ATAD2B: variants seen among roughly 807,000 people sequenced by gnomAD.
The protein encoded by ATAD2B is ATPase family AAA domain containing 2B.
In ATAD2B, 40 loss-of-function variants were observed where a neutral mutation model predicts 167.6. That is an observed-to-expected ratio of 0.24 (90% CI 0.19 to 0.31). The LOEUF is 0.31. ATAD2B is among the 10% of genes least tolerant of loss of function. ATAD2B has a pLI of 1.00. For synonymous variants in ATAD2B, 579 were observed against 596.5 expected (o/e 0.97, Z 0.43); for missense variants, 1,242 against 1,757.2 (o/e 0.71, Z 5.24).
the ATAD2B span, chr2:23,696,224 A>C: frequency 1.3e-6 from 2 of 1,491,320 alleles, no homozygotes; most frequent in Non-Finnish European, 9.1e-7. The surrounding 1 kb of genome is among the most constrained non-coding windows in gnomAD (Gnocchi z 5.5). Flanking sequence ...CATGGCCCAG[A>C]AGTGTCTACT....
chr2:23,919,121 T>C (rs909930701), intron 1 of ATAD2B, among the ~76,000 whole-genome samples: 6 of 151,896 alleles, frequency 4.0e-5, no homozygotes, highest in Non-Finnish European at 7.4e-5. Context: ...GGTGGGAGGA[T>C]TGCTTGAGGC....
intron 17 of ATAD2B, among the ~76,000 whole-genome samples, chr2:23,813,580 T>TA (rs35011854): frequency 0.13 from 17,846 of 138,480 alleles, 1,151 homozygotes; most frequent in Middle Eastern, 0.23. Context: ...TACAAAAAAT[T>TA]AAAAAAAAAA....
rs186977690 is a variant in ATAD2B at position 23,859,494 on chromosome 2, G to C, written c.1480-1991C>G. 9.9e-4 allele frequency among the ~76,000 whole-genome samples: 147 copies of C among 148,904 alleles called. 4 individuals carry two copies. In the East Asian group the frequency reaches 0.028, roughly 29 times the overall value. ...TGGCTAATTTTTGTATTTTTATAGA[G>C]GCAGGGTTTCACCACGTTGCCCAGG... is the stretch of plus-strand genomic sequence containing the variant. On this transcript the variant is annotated intron_variant, in intron 12 of 27. Coordinates refer to ENST00000238789, the MANE Select transcript of ATAD2B (RefSeq NM_017552.4).
intron 17 of ATAD2B, among the ~76,000 whole-genome samples, chr2:23,815,146 T>C (rs997594161): frequency 1.3e-5 from 2 of 151,806 alleles, no homozygotes; most frequent in African/African-American, 4.8e-5. Flanking sequence ...CATATACATG[T>C]TTAGGGAAGA....
chr2:23,706,834 C>A, the ATAD2B span: 2 of 545,570 alleles, frequency 3.7e-6, no homozygotes, highest in Non-Finnish European at 6.1e-6. Flanking sequence ...ATCATCCTCG[C>A]CTTTGGATGA....
At chr2:23,686,456 A>C in the ATAD2B span, among the ~76,000 whole-genome samples, 1 of 151,752 alleles carries the variant, frequency 6.6e-6, no homozygotes, top group East Asian at 1.9e-4. Flanking sequence ...CTCATCTATA[A>C]ATCAGGAAAT....
the ATAD2B span, among the ~76,000 whole-genome samples, chr2:23,682,832 G>A: frequency 6.6e-6 from 1 of 152,194 alleles, no homozygotes. The surrounding 1 kb of genome is among the most constrained non-coding windows in gnomAD (Gnocchi z 4.1). Context: ...CACCCCTGGA[G>A]ATGCTCTGCT....
At chr2:23,831,556 G>T (rs549841358) in intron 14 of ATAD2B, among the ~76,000 whole-genome samples, 1 of 151,980 alleles carries the variant, frequency 6.6e-6, no homozygotes, top group Non-Finnish European at 1.5e-5. Context: ...CTATTTCACA[G>T]CACATCTTCA....
intron 18 of ATAD2B, among the ~76,000 whole-genome samples, chr2:23,801,692 G>A (rs2712060): frequency 0.03 from 4,474 of 151,660 alleles, 82 homozygotes; most frequent in Non-Finnish European, 0.043. Flanking sequence ...ACATCATAAG[G>A]ACCTTAGATA....
At chr2:23,785,929 T>C in intron 21 of ATAD2B, 98 bp downstream of exon 21, 1 of 1,072,028 alleles carries the variant, frequency 9.3e-7, no homozygotes, top group Non-Finnish European at 1.3e-6. Flanking sequence ...GTAATATTCA[T>C]CCATGCCTTT....
intron 1 of ATAD2B, among the ~76,000 whole-genome samples, chr2:23,899,207 C>A (rs1372585617): frequency 6.8e-6 from 1 of 147,782 alleles, no homozygotes. Context: ...AGCTACTCAG[C>A]GAGGGTGAGG....
rs529615426 is a variant in ATAD2B at position 23,889,146 on chromosome 2, T to C, written c.369-747A>G. Among the ~76,000 whole-genome samples, 42 of 152,192 alleles carry C rather than the reference T, an allele frequency of 2.8e-4. 1 individual carries two copies. The highest frequency in any genetic ancestry group is 5.7e-4 in the Non-Finnish European group (39 of 67,994). ...AACTAGGGAAAGGACATCCAGAAAA[T>C]CACAAATATGTATGACTGCCTTCCT... On this transcript the variant is annotated intron_variant, in intron 2 of 27. Transcript: ENST00000238789.
chr2:23,878,229 C>G (rs1032401183), intron 7 of ATAD2B, among the ~76,000 whole-genome samples: 11 of 151,594 alleles, frequency 7.3e-5, no homozygotes, highest in Admixed American at 5.3e-4. Context: ...GGTGTGGTAG[C>G]GCATGCCTGT....
chr2:23,717,067 A>C, the ATAD2B span, among the ~76,000 whole-genome samples: 1 of 152,228 alleles, frequency 6.6e-6, no homozygotes, highest in Non-Finnish European at 1.5e-5. Flanking sequence ...AAACAGAGAA[A>C]CCAGGATGAA....
intron 1 of ATAD2B, among the ~76,000 whole-genome samples, chr2:23,913,754 A>G (rs1013707059): frequency 9.2e-5 from 14 of 152,214 alleles, no homozygotes; most frequent in Non-Finnish European, 1.8e-4. Flanking sequence ...AAAATAACAA[A>G]AAGGAGAAAC....
chr2:23,870,674 G>T (rs111632321), intron 8 of ATAD2B, among the ~76,000 whole-genome samples: 24 of 145,914 alleles, frequency 1.6e-4, no homozygotes, highest in South Asian at 2.2e-4. Context: ...AAAAAGTTTG[G>T]TTTTTTTTTT....
intron 12 of ATAD2B, among the ~76,000 whole-genome samples, chr2:23,858,889 A>G (rs1319185291): frequency 6.6e-6 from 1 of 152,110 alleles, no homozygotes; most frequent in Non-Finnish European, 1.5e-5. Context: ...ATATTTTCCT[A>G]TTGGCAACAA....
the ATAD2B span, among the ~76,000 whole-genome samples, chr2:23,716,835 A>AC: frequency 6.6e-6 from 1 of 152,132 alleles, no homozygotes; most frequent in East Asian, 1.9e-4. Flanking sequence ...GAATACATGG[A>AC]CCCCACCTCC....
chr2:23,864,921 G>A lies in ATAD2B; in HGVS notation c.1192C>T (p.Arg398Trp), dbSNP rs764293189. 7.1e-6 allele frequency: 11 copies of A among 1,549,748 alleles called. 1 individual carries two copies. The Admixed American group carries it at 1.1e-4, about 15-fold the overall frequency. The change falls in exon 11 of 28, where the codon CGG (arginine) becomes TGG (tryptophan). Residue 398 changes from arginine (R) to tryptophan (W), a missense_variant. Transcript: ENST00000238789. ...CTCAATCCACCTATGCTATCAAACC[G>A]TACCTTGGAAAGAAGGGGAAAAATT... ...VDPMNIDKSV[R>W]FDSIGGLSHH...
Sources: allele counts gnomAD v4.1 joint callset (sites outside exome capture counted in the v4.1 genomes callset), GRCh38; gene constraint gnomAD v4.1.1; non-coding constraint Gnocchi (gnomAD v3.1); transcripts MANE v1.5; gene names NCBI Gene and HGNC (gene_info 2026-07-23, HGNC 2026-07-21).